Variants in WNK3 observed in about 807,000 individuals in gnomAD.
The protein encoded by WNK3 is WNK lysine deficient protein kinase 3.
In WNK3, 18 loss-of-function variants were observed where a neutral mutation model predicts 116.7. The observed-to-expected ratio is 0.15, with a 90% CI of 0.11 to 0.23. The LOEUF is 0.23. WNK3 is among the 10% of genes least tolerant of loss of function. The pLI is 1.00. For missense variants in WNK3, 993 were observed against 1,323.8 expected (o/e 0.75, Z 3.88); for synonymous variants, 404 against 469.4 (o/e 0.86, Z 1.80).
At chrX:54,268,348 C>T (rs1308707748) in intron 10 of WNK3, among the ~76,000 whole-genome samples, 1 of 110,954 alleles carries the variant, frequency 9.0e-6, no homozygotes, top group Non-Finnish European at 1.9e-5. Context: ...AATTAACTGG[C>T]CGTGGTGGCA....
chrX:54,266,518 T>C (rs577472224), intron 10 of WNK3, among the ~76,000 whole-genome samples: 1 of 110,906 alleles, frequency 9.0e-6, no homozygotes, highest in African/African-American at 3.3e-5. Flanking sequence ...TTATTATGCA[T>C]TGTATGCCTG....
intron 17 of WNK3, among the ~76,000 whole-genome samples, chrX:54,241,147 G>C (rs782167294): frequency 3.6e-4 from 40 of 111,751 alleles, no homozygotes; most frequent in Non-Finnish European, 6.2e-4. Flanking sequence ...AACGATGTAG[G>C]AAGGAGACGA....
At chrX:54,302,918 C>T (rs1052936158) in intron 5 of WNK3, among the ~76,000 whole-genome samples, 5 of 100,228 alleles carry the variant, frequency 5.0e-5, no homozygotes, top group Non-Finnish European at 1.0e-4. Context: ...CGCATGCCAC[C>T]AAACTCGGCT....
chrX:54,254,424 T>C (rs543613577), intron 12 of WNK3, among the ~76,000 whole-genome samples: 2 of 112,463 alleles, frequency 1.8e-5, no homozygotes, highest in South Asian at 7.3e-4. Flanking sequence ...ATAAATTGAC[T>C]CTAAGCAAAA....
At chrX:54,314,127 A>C (rs1199815007) in intron 2 of WNK3, among the ~76,000 whole-genome samples, 1 of 102,980 alleles carries the variant, frequency 9.7e-6, no homozygotes, top group African/African-American at 3.6e-5. Context: ...CAAGAGGCAG[A>C]GGTTGCAGTG....
intron 22 of WNK3, among the ~76,000 whole-genome samples, chrX:54,216,450 C>T (rs2067697172): frequency 9.1e-6 from 1 of 109,845 alleles, no homozygotes. Flanking sequence ...ATTACTGAAA[C>T]TATGGGAAAG....
intron 19 of WNK3, among the ~76,000 whole-genome samples, chrX:54,237,942 G>T (rs782036766): frequency 3.6e-5 from 4 of 111,618 alleles, no homozygotes; most frequent in Non-Finnish European, 7.5e-5. Flanking sequence ...TTTAAAGTAA[G>T]TATCATCGGC....
At chrX:54,195,383 C>G (rs1367991321) in exon 24 of WNK3, 2 of 111,343 alleles carry the variant, frequency 1.8e-5, no homozygotes, top group East Asian at 5.6e-4. Flanking sequence ...ATAGTAGGCT[C>G]TTTGTTAAGA....
rs1294751615 is a variant in WNK3 at position 54,287,752 on chromosome X, T to G, written c.2037+5136A>C. Among the ~76,000 whole-genome samples the G allele has an allele frequency of 2.7e-5, 3 of 111,693 alleles. No individual in the cohort carries two copies. In the Admixed American group the frequency reaches 2.9e-4, roughly 11 times the overall value. ...ACCTGAATCAAGGTCACTCAGTAAG[T>G]AAGGAAAAGAGTCAGGAACAGGGAC... On this transcript the variant is annotated intron_variant, in intron 10 of 23. Coordinates refer to ENST00000354646, the Ensembl canonical transcript of WNK3.
At chrX:54,308,973 T>C in intron 4 of WNK3, 122 bp downstream of exon 4, 1 of 550,565 alleles carries the variant, frequency 1.8e-6, no homozygotes, top group Non-Finnish European at 2.9e-6. Context: ...AAATTCGATT[T>C]ACAAAAACAG....
chrX:54,347,697 CATATATATATACACAT>C (rs1212220433), intron 1 of WNK3, among the ~76,000 whole-genome samples: 122 of 96,643 alleles, frequency 1.3e-3, no homozygotes, highest in African/African-American at 4.9e-3. Flanking sequence ...TATATATACA[CATATATATATACACAT>C]ATATATATAT....
At chrX:54,303,632 T>A (rs2068791750) in intron 5 of WNK3, among the ~76,000 whole-genome samples, 1 of 111,386 alleles carries the variant, frequency 9.0e-6, no homozygotes, top group Non-Finnish European at 1.9e-5. Flanking sequence ...CAGATGGAAA[T>A]CTGAATTGTG....
At chrX:54,197,501 G>A (rs782135189) in exon 24 of WNK3, 2 of 110,555 alleles carry the variant, frequency 1.8e-5, no homozygotes, top group African/African-American at 6.6e-5. Context: ...TAAGGAGGGC[G>A]GATCACAAGG....
intron 10 of WNK3, among the ~76,000 whole-genome samples, chrX:54,259,813 T>C (rs181342132): frequency 1.7e-3 from 187 of 111,768 alleles, no homozygotes; most frequent in African/African-American, 5.7e-3. Context: ...AGCTGCAACA[T>C]TGGCTTCCAG....
At chrX:54,339,115 A>AT (rs1262154320) in intron 1 of WNK3, among the ~76,000 whole-genome samples, 2 of 111,214 alleles carry the variant, frequency 1.8e-5, no homozygotes, top group African/African-American at 6.5e-5. Flanking sequence ...AAGGAGGGGC[A>AT]TTTTACGTGG....
intron 22 of WNK3, among the ~76,000 whole-genome samples, chrX:54,218,520 A>C (rs183294456): frequency 1.2e-3 from 132 of 109,008 alleles, no homozygotes; most frequent in African/African-American, 4.3e-3. Flanking sequence ...ACCAACAAGA[A>C]AACAGGTTGA....
At chrX:54,232,954 G>T in exon 21 of WNK3, 1 of 1,210,725 alleles carries the variant, frequency 8.3e-7, no homozygotes, top group Non-Finnish European at 1.1e-6. Flanking sequence ...TTGACCGAAG[G>T]CGTTCATAGA....
chrX:54,339,694 T>C (rs2069292904), intron 1 of WNK3, among the ~76,000 whole-genome samples: 1 of 111,960 alleles, frequency 8.9e-6, no homozygotes, highest in African/African-American at 3.2e-5. Context: ...AGAATGAAGC[T>C]GGACCCCGAC....
intron 20 of WNK3, among the ~76,000 whole-genome samples, chrX:54,235,103 G>C (rs926318035): frequency 1.8e-5 from 2 of 111,654 alleles, no homozygotes; most frequent in Non-Finnish European, 3.8e-5. Flanking sequence ...AAACAAGTTA[G>C]AGAGAAAATA....
Sources: allele counts gnomAD v4.1 joint callset (sites outside exome capture counted in the v4.1 genomes callset), GRCh38; gene constraint gnomAD v4.1.1; transcripts MANE v1.5; gene names NCBI Gene and HGNC (gene_info 2026-07-23, HGNC 2026-07-21).